The following MAGI1 variants were observed in gnomAD, a reference collection of about 807,000 sequenced individuals.
MAGI1 encodes membrane associated guanylate kinase, WW and PDZ domain containing 1.
In MAGI1, 58 loss-of-function variants were observed where a neutral mutation model predicts 139.9. That is an observed-to-expected ratio of 0.41 (90% CI 0.34 to 0.52). MAGI1 has a LOEUF of 0.52. Ranked by LOEUF, MAGI1 falls within the 20% of genes least tolerant of loss-of-function variation. The pLI, the probability that MAGI1 is intolerant of heterozygous loss-of-function variation, is 0.12. For synonymous variants in MAGI1, 812 were observed against 737.9 expected, an observed-to-expected ratio of 1.10 and a Z score of -1.63; for missense variants, 1,874 against 1,901.6, an observed-to-expected ratio of 0.99 and a Z score of 0.27.
At chr3:65,682,321 T>C (rs529104808) in intron 1 of MAGI1, among the ~76,000 whole-genome samples, 1 of 152,264 alleles carries the variant, frequency 6.6e-6, no homozygotes, top group Admixed American at 6.5e-5. Flanking sequence ...TTAAGGCTCA[T>C]CATTTAACCA....
intron 2 of MAGI1, among the ~76,000 whole-genome samples, chr3:65,497,486 C>T (rs1274777485): frequency 6.6e-6 from 1 of 152,108 alleles, no homozygotes; most frequent in East Asian, 1.9e-4. Flanking sequence ...CTCTTTGAAA[C>T]TTGCTGTGAA....
At chr3:65,668,562 C>CTTTTTTTTTT (rs58434479) in intron 1 of MAGI1, among the ~76,000 whole-genome samples, 265 of 79,866 alleles carry the variant, frequency 3.3e-3, no homozygotes, top group African/African-American at 7.4e-3. Context: ...CCTTTTTTTT[C>CTTTTTTTTTT]TTTTTTTTTT....
At chr3:65,851,730 C>A (rs1417575715) in intron 1 of MAGI1, among the ~76,000 whole-genome samples, 1 of 151,912 alleles carries the variant, frequency 6.6e-6, no homozygotes, top group Non-Finnish European at 1.5e-5. Context: ...GCCTGGGCAA[C>A]AGAGCAAGTC....
chr3:65,574,532 T>C (rs1439153984), intron 2 of MAGI1, among the ~76,000 whole-genome samples: 1 of 151,604 alleles, frequency 6.6e-6, no homozygotes, highest in Non-Finnish European at 1.5e-5. Flanking sequence ...ATTCTCCACA[T>C]ATTCATCTAT....
chr3:65,911,058 A>C (rs949464801), intron 1 of MAGI1, among the ~76,000 whole-genome samples: 1 of 150,996 alleles, frequency 6.6e-6, no homozygotes, highest in Non-Finnish European at 1.5e-5. Context: ...GGGTTTCACC[A>C]TATTGGTCAG....
chr3:65,500,916 C>T (rs758960119), intron 2 of MAGI1, among the ~76,000 whole-genome samples: 2 of 152,196 alleles, frequency 1.3e-5, no homozygotes, highest in Non-Finnish European at 2.9e-5. Context: ...TATTCTAACA[C>T]AATCATTTGC....
At chr3:65,891,895 TA>T (rs1446411865) in intron 1 of MAGI1, among the ~76,000 whole-genome samples, 2 of 12,998 alleles carry the variant, frequency 1.5e-4, no homozygotes, top group Non-Finnish European at 2.9e-4. Flanking sequence ...AATATATATA[TA>T]TATATATATA....
intron 1 of MAGI1, among the ~76,000 whole-genome samples, chr3:65,816,582 G>T (rs764244262): frequency 6.6e-6 from 1 of 151,266 alleles, no homozygotes; most frequent in Non-Finnish European, 1.5e-5. Context: ...TGACATGACC[G>T]ATTGTCCAAA....
intron 12 of MAGI1, 100 bp downstream of exon 12, chr3:65,429,420 A>G (rs1947317390): frequency 8.0e-7 from 1 of 1,245,788 alleles, no homozygotes; most frequent in Non-Finnish European, 1.1e-6. Context: ...AAACATTTAA[A>G]TAAATTTAAA....
rs1307797579 is a variant in MAGI1, at chr3:65,356,373, G to A, written c.*5C>T. 16 of 1,567,666 alleles carry A rather than the reference G, an allele frequency of 1.0e-5. No homozygotes were observed. Among genetic ancestry groups the A allele is most frequent in the Non-Finnish European group, 1.4e-5 (16 of 1,163,932 alleles). On this transcript the variant is annotated 3_prime_UTR_variant, in exon 23 of 23. Coordinates refer to ENST00000402939, the MANE Select transcript of MAGI1 (RefSeq NM_001033057.2). ...ACGGTAAAGGTTGGAATGTGACTCA[G>A]CGTCTCAGATACTGAGGTCGGTGCT... is the stretch of plus-strand genomic sequence containing the variant.
At chr3:65,413,285 G>C (rs546323328) in intron 12 of MAGI1, among the ~76,000 whole-genome samples, 1 of 152,280 alleles carries the variant, frequency 6.6e-6, no homozygotes, top group South Asian at 2.1e-4. Flanking sequence ...TGCAACAGAG[G>C]CCATGCCTGG....
At chr3:65,565,901 G>GTGGATT (rs984283099) in intron 2 of MAGI1, among the ~76,000 whole-genome samples, 1 of 149,440 alleles carries the variant, frequency 6.7e-6, no homozygotes, top group African/African-American at 2.4e-5. Context: ...ACAACGGACA[G>GTGGATT]TGGATTTGGA....
chr3:65,688,673 T>C (rs1559788265), intron 1 of MAGI1, among the ~76,000 whole-genome samples: 2 of 152,184 alleles, frequency 1.3e-5, no homozygotes, highest in African/African-American at 2.4e-5. Context: ...TTGGTATCCT[T>C]CTTCATTATA....
chr3:65,804,272 G>GT (rs2040699347), intron 1 of MAGI1, among the ~76,000 whole-genome samples: 1 of 127,734 alleles, frequency 7.8e-6, no homozygotes, highest in Non-Finnish European at 1.6e-5. Flanking sequence ...AGATGGCTTA[G>GT]TAAAAAAAAA....
In MAGI1 at chr3:65,438,482, C is replaced by A. The variant is rs72896310; in HGVS notation, c.1271-1235G>T. Among the ~76,000 whole-genome samples, 867 of 152,254 alleles carry A rather than the reference C, an allele frequency of 5.7e-3. 6 individuals are homozygous for A. The highest frequency in any genetic ancestry group is 0.019 in the African/African-American group (807 of 41,542). On this transcript the variant is annotated intron_variant, in intron 9 of 22. Coordinates refer to ENST00000402939, the MANE Select transcript of MAGI1 (RefSeq NM_001033057.2). ...CACACTTCACCACCACTTAATATACCCATGTGTCAAAAGCTGCACTTGTAC... is the reference window on the plus strand; with the variant it reads ...CACACTTCACCACCACTTAATATACACATGTGTCAAAAGCTGCACTTGTAC...
At chr3:65,609,666 C>G (rs1243801237) in intron 2 of MAGI1, 1 of 170,994 alleles carries the variant, frequency 5.8e-6, no homozygotes, top group Non-Finnish European at 1.3e-5. Context: ...TTCACTGCAG[C>G]CTCGACCTCC....
At chr3:65,848,973 C>T (rs1361473456) in intron 1 of MAGI1, among the ~76,000 whole-genome samples, 1 of 130,074 alleles carries the variant, frequency 7.7e-6, no homozygotes. Context: ...AAACACTTAA[C>T]TGGCAGCTCA....
intron 1 of MAGI1, among the ~76,000 whole-genome samples, chr3:65,895,869 A>G (rs969134910): frequency 1.3e-5 from 2 of 152,216 alleles, no homozygotes; most frequent in Non-Finnish European, 2.9e-5. Flanking sequence ...ATAGCAAGTA[A>G]TATTTCCCTG....
intron 5 of MAGI1, among the ~76,000 whole-genome samples, chr3:65,455,753 A>T (rs147595461): frequency 0.014 from 2,085 of 152,296 alleles, 49 homozygotes; most frequent in African/African-American, 0.047. Flanking sequence ...AAATAAAAAT[A>T]AAAATAATTT....
Sources: gnomAD v4.1 joint callset for allele counts (sites outside exome capture counted in the v4.1 genomes callset) on GRCh38, gnomAD v4.1.1 for gene constraint, MANE v1.5 for transcripts, NCBI Gene and HGNC (gene_info 2026-07-23, HGNC 2026-07-21) for gene names.